The following DNMT3B variants were observed in gnomAD, a reference collection of about 807,000 sequenced individuals.
DNMT3B encodes the protein DNA methyltransferase 3 beta.
Under a neutral mutation model 120.2 loss-of-function variants are expected in DNMT3B, and 37 were observed. The ratio of observed to expected loss-of-function variants is 0.31; its 90% confidence interval spans 0.24 to 0.40. The LOEUF (loss-of-function observed/expected upper bound fraction) is 0.40, where lower values mean the gene tolerates loss of function less well. Ranked by LOEUF, DNMT3B falls within the 10% of genes least tolerant of loss-of-function variation. The pLI is 1.00. For synonymous variants in DNMT3B, 412 were observed against 442.8 expected (o/e 0.93, Z 0.87); for missense variants, 878 against 1,137.3 (o/e 0.77, Z 3.28).
In DNMT3B at chr20:32,762,530, C is replaced by A; in HGVS notation, c.-176C>A. On this transcript the variant is annotated 5_prime_UTR_variant, in exon 1 of 23. The change creates a new upstream start codon in the 5' untranslated region. Coordinates refer to ENST00000328111, the MANE Select transcript of DNMT3B (RefSeq NM_006892.4). ...GCGGTCGGGCGAGCGGGCGGCAACGCTGCCCGGCCGGCAGCGCTGGGGTTA... is the reference window on the plus strand; with the variant it reads ...GCGGTCGGGCGAGCGGGCGGCAACGATGCCCGGCCGGCAGCGCTGGGGTTA... The A allele has an allele frequency of 3.0e-6, 1 of 327,878 alleles. No individual in the cohort carries two copies. The allele number at this position is 327,878 out of a possible 1,614,324, so 20.3% of individuals were successfully genotyped here. A position where few individuals can be genotyped will look rare whatever the true frequency, so the allele number is the denominator to read the frequency against.
chr20:32,768,871 A>G (rs1055959070), intron 1 of DNMT3B, among the ~76,000 whole-genome samples: 5 of 152,140 alleles, frequency 3.3e-5, no homozygotes, highest in Non-Finnish European at 7.4e-5. Context: ...TACCCCGACA[A>G]TGGCACTGGA....
Position 32,787,254 on chromosome 20 carries a change from T to A in DNMT3B, c.457T>A (p.Ser153Thr), listed in dbSNP as rs1230558112. 6.2e-7 allele frequency: 1 copy of A among 1,614,230 alleles called. No individual in the cohort carries two copies. Among genetic ancestry groups the A allele is most frequent in the South Asian group, 1.1e-5 (1 of 91,090 alleles). The change falls in exon 6 of 23, where the codon TCG becomes ACG. Residue 153 changes from serine (S) to threonine (T), a missense_variant. Physicochemically the swap from Ser to Thr is moderately conservative, Grantham distance 58. Coordinates refer to ENST00000328111, the MANE Select transcript of DNMT3B (RefSeq NM_006892.4). ...TRSLRRRATA[S>T]AGTPWPSPPS... ...GTCCCTGAGACGGCGGGCAACAGCA[T>A]CGGCAGGAACGCCATGGCCGTCCCC... is the stretch of plus-strand genomic sequence containing the variant.
At chr20:32,789,355 AC>A (rs1266112517) in intron 7 of DNMT3B, among the ~76,000 whole-genome samples, 1 of 152,152 alleles carries the variant, frequency 6.6e-6, no homozygotes, top group Non-Finnish European at 1.5e-5. Context: ...CCTGGAAGAG[AC>A]CGGAAGCATG....
At chr20:32,780,010 A>G in intron 1 of DNMT3B, 2 of 1,456,376 alleles carry the variant, frequency 1.4e-6, no homozygotes, top group Non-Finnish European at 1.9e-6. Flanking sequence ...CATTGTTTGA[A>G]GGGGCCGGCT....
At chr20:32,764,284 T>TTAAC (rs1408040071) in intron 1 of DNMT3B, among the ~76,000 whole-genome samples, 1 of 152,226 alleles carries the variant, frequency 6.6e-6, no homozygotes, top group Non-Finnish European at 1.5e-5. Context: ...TATGCGTGAA[T>TTAAC]TAACCTCTTC....
intron 1 of DNMT3B, among the ~76,000 whole-genome samples, chr20:32,776,527 C>T (rs981423013): frequency 2.0e-5 from 3 of 152,054 alleles, no homozygotes; most frequent in Non-Finnish European, 4.4e-5. Flanking sequence ...TTCTCTTGTC[C>T]TGATTCTAAG....
At chr20:32,797,822 G>T (rs1373233972) in intron 14 of DNMT3B, among the ~76,000 whole-genome samples, 1 of 152,082 alleles carries the variant, frequency 6.6e-6, no homozygotes, top group Non-Finnish European at 1.5e-5. Flanking sequence ...ACCACGCCCA[G>T]ATAATTTTTG....
intron 1 of DNMT3B, among the ~76,000 whole-genome samples, chr20:32,765,684 G>A (rs1001983937): frequency 1.3e-5 from 2 of 150,054 alleles, no homozygotes; most frequent in Non-Finnish European, 3.0e-5. Flanking sequence ...GCTTCCCAAA[G>A]TGTTGGGATT....
chr20:32,805,416 AGCTGTG>A lies in DNMT3B; in HGVS notation c.2301+12_2301+17del. On this transcript the variant is annotated intron_variant, in intron 21 of 22. Transcript: ENST00000328111. ...ACAATAGGATAGCCAAGGTAAGACG[AGCTGTG>A]GCCCTCTGGAAAAATGCACTTGGTG... 2 of 1,613,986 alleles carry A rather than the reference AGCTGTG, an allele frequency of 1.2e-6. No individual in the cohort carries two copies. Among genetic ancestry groups the A allele is most frequent in the Middle Eastern group, 1.7e-4 (1 of 6,038 alleles).
chr20:32,801,539 T>C, intron 19 of DNMT3B, 113 bp downstream of exon 19: 1 of 1,410,146 alleles, frequency 7.1e-7, no homozygotes, highest in Non-Finnish European at 9.9e-7. Context: ...CCGTTCTTGG[T>C]CTGGCTAGAT....
At chr20:32,774,829 C>G (rs993034051) in intron 1 of DNMT3B, among the ~76,000 whole-genome samples, 1 of 152,086 alleles carries the variant, frequency 6.6e-6, no homozygotes, top group African/African-American at 2.4e-5. Flanking sequence ...AAGTGATTAT[C>G]CTGCCCAGCC....
intron 15 of DNMT3B, 132 bp from the exon 16 acceptor site, chr20:32,799,112 C>G (rs1168654541): frequency 1.0e-6 from 1 of 953,174 alleles, no homozygotes; most frequent in African/African-American, 1.6e-5. Context: ...CCCCATCAAG[C>G]CTTCAGTGGG....
At chr20:32,782,984 A>G (rs1423348646) in intron 3 of DNMT3B, among the ~76,000 whole-genome samples, 2 of 152,102 alleles carry the variant, frequency 1.3e-5, no homozygotes, top group Non-Finnish European at 2.9e-5. Context: ...GTGCAATGGC[A>G]TGATCTCTGC....
chr20:32,793,725 TC>T, intron 10 of DNMT3B, 130 bp downstream of exon 10: 1 of 971,816 alleles, frequency 1.0e-6, no homozygotes, highest in Non-Finnish European at 1.6e-6. Flanking sequence ...CTCCCCACTC[TC>T]CCCTCACATC....
At position 32,792,786 on chromosome 20, in the gene DNMT3B, C is replaced by T. The variant is rs767928165; in HGVS notation, c.1066+16C>T. The T allele has an allele frequency of 1.7e-5, 28 of 1,613,744 alleles. 1 individual carries two copies. In the Middle Eastern group the frequency reaches 8.4e-4, roughly 49 times the overall value. ...ACGCAACCAGGTGGGAATGAGTCCC[C>T]ATGGCAGCACCCGCTGCCTCTGCTG... is the stretch of plus-strand genomic sequence containing the variant. On this transcript the variant is annotated intron_variant, in intron 9 of 22. Coordinates refer to ENST00000328111, the MANE Select transcript of DNMT3B (RefSeq NM_006892.4).
rs1405501743 is a variant in DNMT3B at position 32,802,393 on chromosome 20, A to G, written c.2154A>G (p.Pro718=). The change falls in exon 20 of 23, where the codon CCA becomes CCG. Residue 718 remains proline (P), a synonymous_variant. Coordinates refer to ENST00000328111, the MANE Select transcript of DNMT3B (RefSeq NM_006892.4). The stretch of plus-strand genomic sequence containing the variant: ...CTTCTTTCTCCCCACAGTGTAATCC[A>G]GTGATGATTGATGCCATCAAAGTTT... ...RDISRFLECN[P]VMIDAIKVSA... 1 of 1,614,190 alleles carries G rather than the reference A, an allele frequency of 6.2e-7. No individual in the cohort carries two copies. Among genetic ancestry groups the G allele is most frequent in the South Asian group, 1.1e-5 (1 of 91,082 alleles).
At position 32,762,529 on chromosome 20, in the gene DNMT3B, G is replaced by C. The variant is rs776745229; in HGVS notation, c.-177G>C. The C allele has an allele frequency of 3.1e-6, 1 of 325,688 alleles. No homozygotes were observed. The highest frequency in any genetic ancestry group is 3.1e-5 in the Admixed American group (1 of 32,280). 20.2% of individuals were successfully genotyped at this position (325,688 alleles called of 1,614,324 possible). A position where few individuals can be genotyped will look rare whatever the true frequency, so the allele number is the denominator to read the frequency against. ...GGCGGTCGGGCGAGCGGGCGGCAAC[G>C]CTGCCCGGCCGGCAGCGCTGGGGTT... On this transcript the variant is annotated 5_prime_UTR_variant, in exon 1 of 23. Transcript: ENST00000328111.
At chr20:32,799,133 TG>T in intron 15 of DNMT3B, 110 bp from the exon 16 acceptor site, 1 of 1,203,688 alleles carries the variant, frequency 8.3e-7, no homozygotes, top group South Asian at 1.3e-5. Context: ...CTTTTTGCAG[TG>T]GCTACGGCAA....
intron 20 of DNMT3B, among the ~76,000 whole-genome samples, chr20:32,802,880 CTG>C (rs1443583822): frequency 5.9e-5 from 9 of 152,210 alleles, no homozygotes; most frequent in African/African-American, 2.2e-4. Flanking sequence ...TGTGGCCAGA[CTG>C]TGTACCTCCT....
Sources: allele counts gnomAD v4.1 joint callset (sites outside exome capture counted in the v4.1 genomes callset), GRCh38; gene constraint gnomAD v4.1.1; transcripts MANE v1.5; gene names NCBI Gene and HGNC (gene_info 2026-07-23, HGNC 2026-07-21).